The following SORBS2 variants were observed in gnomAD, a reference collection of about 807,000 sequenced individuals.
The protein encoded by SORBS2 is sorbin and SH3 domain-containing protein 2.
In SORBS2, 46 loss-of-function variants were observed where a neutral mutation model predicts 97.7. The observed-to-expected ratio is 0.47, with a 90% CI of 0.37 to 0.60. SORBS2 has a LOEUF of 0.60. Among genes scored for constraint, SORBS2 ranks in the 20% least tolerant of loss-of-function variants. The probability of loss-of-function intolerance (pLI) is 0.00; values close to 1 mark genes in which losing one functional copy is unlikely to be tolerated. For missense variants in SORBS2, 1,316 were observed against 1,282.3 expected (o/e 1.03, Z -0.40); for synonymous variants, 476 against 473.4 (o/e 1.01, Z -0.07).
At chr4:185,762,678 T>A (rs2098905001) in intron 2 of SORBS2, among the ~76,000 whole-genome samples, 1 of 152,184 alleles carries the variant, frequency 6.6e-6, no homozygotes, top group Non-Finnish European at 1.5e-5. Flanking sequence ...CAATACCGCT[T>A]TATGTTAATT....
chr4:185,741,528 G>A (rs538469772), intron 2 of SORBS2, among the ~76,000 whole-genome samples: 9 of 147,172 alleles, frequency 6.1e-5, no homozygotes, highest in East Asian at 2.0e-4. Context: ...CTCAGTCACC[G>A]GAGCTAATTT....
chr4:185,635,915 G>A (rs1173007949), intron 4 of SORBS2, among the ~76,000 whole-genome samples: 1 of 152,072 alleles, frequency 6.6e-6, no homozygotes, highest in Non-Finnish European at 1.5e-5. Context: ...CTGGAGTGTA[G>A]TGACACCGTC....
chr4:185,652,020 G>A (rs6835370), intron 2 of SORBS2, among the ~76,000 whole-genome samples, 192 bp from the exon 11 acceptor site: 33,386 of 151,682 alleles, frequency 0.22, 3,891 homozygotes, highest in African/African-American at 0.3. Flanking sequence ...AGTCTGGAGT[G>A]CAGTGGTGAT....
intron 12 of SORBS2, among the ~76,000 whole-genome samples, 183 bp downstream of exon 24, chr4:185,611,597 C>T (rs997088991): frequency 6.6e-6 from 1 of 152,150 alleles, no homozygotes; most frequent in Non-Finnish European, 1.5e-5. Flanking sequence ...TTTATGCCAG[C>T]ACCTATTTGA....
At chr4:185,807,306 C>T (rs1380354520) in intron 1 of SORBS2, among the ~76,000 whole-genome samples, 1 of 151,900 alleles carries the variant, frequency 6.6e-6, no homozygotes, top group Admixed American at 6.6e-5. Flanking sequence ...GTGGGAAAAT[C>T]TTTGAAAGTA....
chr4:185,693,883 C>A (rs150998516), intron 2 of SORBS2, among the ~76,000 whole-genome samples: 8 of 152,194 alleles, frequency 5.3e-5, no homozygotes, highest in Non-Finnish European at 1.2e-4. Context: ...CAAAGAAAGG[C>A]GCCACAAATC....
At chr4:185,601,320 T>G (rs1163223894) in intron 12 of SORBS2, among the ~76,000 whole-genome samples, 1 of 152,216 alleles carries the variant, frequency 6.6e-6, no homozygotes, top group African/African-American at 2.4e-5. Flanking sequence ...TGTAGCTGGA[T>G]GTACTCATGT....
intron 1 of SORBS2, among the ~76,000 whole-genome samples, chr4:185,798,652 G>GA (rs2099116830): frequency 6.6e-6 from 1 of 152,040 alleles, no homozygotes; most frequent in Non-Finnish European, 1.5e-5. Context: ...GTTCTTATCA[G>GA]AAAAAAGCGT....
chr4:185,869,366 A>G (rs565308776), intron 1 of SORBS2, among the ~76,000 whole-genome samples: 1 of 152,172 alleles, frequency 6.6e-6, no homozygotes, highest in South Asian at 2.1e-4. Context: ...ATTTTTTTCT[A>G]CTGAAAACAG....
chr4:185,953,117 C>T (rs1316908075), intron 1 of SORBS2, among the ~76,000 whole-genome samples: 1 of 152,194 alleles, frequency 6.6e-6, no homozygotes, highest in African/African-American at 2.4e-5. Flanking sequence ...GAGTTCAAGA[C>T]CAGCCTGGCC....
At chr4:185,919,349 G>A (rs779586973) in intron 1 of SORBS2, 3 of 152,164 alleles carry the variant, frequency 2.0e-5, no homozygotes, top group African/African-American at 4.8e-5. Context: ...AGTTGTGGGC[G>A]ACTGTGCTGT....
rs372620436 is a variant in SORBS2 at position 185,889,343 on chromosome 4, A to G, written c.-338+66853T>C. Among the ~76,000 whole-genome samples, 13 of 151,458 alleles carry G rather than the reference A, an allele frequency of 8.6e-5. No homozygotes were observed. The East Asian group carries it at 1.2e-3, about 13-fold the overall frequency. On this transcript the variant is annotated intron_variant, in intron 1 of 20. Transcript: ENST00000284776. ...CTCCCTTTCTCTCCCACCCTACTTG[A>G]TTTTTTCCACAGTCATTTTTTTTTT...
At chr4:185,628,622 G>A (rs1219661006) in intron 5 of SORBS2, among the ~76,000 whole-genome samples, 1 of 152,120 alleles carries the variant, frequency 6.6e-6, no homozygotes, top group Non-Finnish European at 1.5e-5. Flanking sequence ...TGTGTCATGT[G>A]CCTGTAGTCC....
intron 6 of SORBS2, among the ~76,000 whole-genome samples, chr4:185,626,031 C>CT (rs1456122083): frequency 6.6e-6 from 1 of 152,220 alleles, no homozygotes; most frequent in East Asian, 1.9e-4. Context: ...TGGTAGAGCC[C>CT]TAGCTCCCTG....
intron 2 of SORBS2, among the ~76,000 whole-genome samples, chr4:185,733,789 C>T (rs1348733590): frequency 6.6e-6 from 1 of 152,142 alleles, no homozygotes; most frequent in East Asian, 1.9e-4. Context: ...GAGAAAAAAG[C>T]GAGTTCTCTT....
intron 1 of SORBS2, among the ~76,000 whole-genome samples, chr4:185,840,096 G>T (rs1423221138): frequency 1.3e-5 from 2 of 152,220 alleles, no homozygotes; most frequent in East Asian, 3.8e-4. Context: ...TGTAAATACA[G>T]CTCTACAGCC....
intron 2 of SORBS2, among the ~76,000 whole-genome samples, chr4:185,705,599 A>G (rs549662167): frequency 1.9e-3 from 289 of 152,306 alleles, no homozygotes; most frequent in Non-Finnish European, 3.0e-3. Context: ...TTTAATATTG[A>G]TATGTTCTAT....
chr4:185,820,738 C>G (rs2099196296), intron 1 of SORBS2, among the ~76,000 whole-genome samples: 1 of 152,102 alleles, frequency 6.6e-6, no homozygotes, highest in Non-Finnish European at 1.5e-5. Context: ...AGTCCCGGGA[C>G]TTCACACGCT....
chr4:185,659,447 T>C (rs62336097), upstream of SORBS2, among the ~76,000 whole-genome samples: 24,455 of 151,360 alleles, frequency 0.16, 2,101 homozygotes, highest in East Asian at 0.25. Flanking sequence ...GACGGAGTCT[T>C]GCTCAGTCAC....
Sources: allele counts gnomAD v4.1 joint callset (sites outside exome capture counted in the v4.1 genomes callset), GRCh38; gene constraint gnomAD v4.1.1; transcripts MANE v1.5; gene names NCBI Gene and HGNC (gene_info 2026-07-23, HGNC 2026-07-21).